The following TPR variants were observed in gnomAD, a reference collection of about 807,000 sequenced individuals.
TPR encodes translocated promoter region, nuclear basket protein, also known as nucleoprotein TPR.
Under a neutral mutation model 316.1 loss-of-function variants are expected in TPR, and 51 were observed. The ratio of observed to expected loss-of-function variants is 0.16; its 90% CI spans 0.13 to 0.20. The LOEUF (loss-of-function observed/expected upper bound fraction) is 0.20, where lower values mean the gene tolerates loss of function less well. Among genes scored for constraint, TPR ranks in the 10% least tolerant of loss-of-function variants. The probability of loss-of-function intolerance (pLI) is 1.00; values close to 1 mark genes in which losing one functional copy is unlikely to be tolerated. For missense variants in TPR, 2,272 were observed against 2,754.8 expected (o/e 0.82, Z 3.92); for synonymous variants, 981 against 914.7 (o/e 1.07, Z -1.31).
In TPR at chr1:186,313,815, T is replaced by C; in HGVS notation, c.*156A>G. ...AAGGAGGAGTCAACTAATGAAGAAA[T>C]GAATAATAAATTTTGACACTGAAAA... On this transcript the variant is annotated 3_prime_UTR_variant, in exon 51 of 51. Transcript: ENST00000367478. 3 of 1,530,914 alleles carry C rather than the reference T, an allele frequency of 2.0e-6. No homozygotes were observed. Among genetic ancestry groups the C allele is most frequent in the Non-Finnish European group, 2.7e-6 (3 of 1,104,698 alleles). 94.8% of individuals were successfully genotyped at this position (1,530,914 alleles called of 1,614,324 possible).
At chr1:186,358,941 A>G (rs1050729108) in intron 12 of TPR, among the ~76,000 whole-genome samples, 1 of 152,154 alleles carries the variant, frequency 6.6e-6, no homozygotes, top group Admixed American at 6.5e-5. Context: ...CTGGTAAAAA[A>G]GTCAATATTC....
chr1:186,321,212 C>T (rs1177632387), intron 45 of TPR, among the ~76,000 whole-genome samples: 9 of 152,146 alleles, frequency 5.9e-5, no homozygotes. Context: ...AATGTGTTAG[C>T]CAAGGTAAAT....
At position 186,333,165 on chromosome 1, in the gene TPR, T is replaced by A. The variant is rs1449072182; in HGVS notation, c.5412A>T (p.Ser1804=). Residue 1804 remains serine, a synonymous_variant, in exon 37 of 51, where the codon TCA becomes TCT. Coordinates refer to ENST00000367478, the MANE Select transcript of TPR (RefSeq NM_003292.3). The part of the protein sequence containing the change: ...SSNIVEVVQS[S]PVERPSTSTA... ...TGGAAGTAGAAGGCCGCTCAACTGG[T>A]GAACTCTGAACAACCTCTACTATGT... 5.0e-5 allele frequency: 80 copies of A among 1,613,380 alleles called. No individual in the cohort carries two copies. Among genetic ancestry groups the A allele is most frequent in the Non-Finnish European group, 6.8e-5 (80 of 1,179,642 alleles).
Position 186,344,489 on chromosome 1 carries a change from C to T in TPR, c.3303G>A (p.Glu1101=). Residue 1101 remains glutamate, a synonymous_variant, in exon 25 of 51, where the codon GAG becomes GAA. Transcript: ENST00000367478. The stretch of plus-strand genomic sequence containing the variant: ...GGACTGATGCCATTTTTGAAACCTG[C>T]TCCTTCGCAGCTTGTAGAGCTTCAA... ...ADVEALQAAK[E]QVSKMASVRQ... The T allele has an allele frequency of 6.2e-7, 1 of 1,613,884 alleles. No individual in the cohort carries two copies. The highest frequency in any genetic ancestry group is 8.5e-7 in the Non-Finnish European group (1 of 1,179,940).
At chr1:186,349,592 G>A (rs7519719) in intron 21 of TPR, among the ~76,000 whole-genome samples, 43,485 of 151,006 alleles carry the variant, frequency 0.29, 6,843 homozygotes, top group Admixed American at 0.38. Flanking sequence ...CCTGGAAGGC[G>A]GAGCTTGCAG....
At chr1:186,331,108 G>A (rs1415712318) in intron 39 of TPR, among the ~76,000 whole-genome samples, 1 of 151,982 alleles carries the variant, frequency 6.6e-6, no homozygotes, top group Non-Finnish European at 1.5e-5. Context: ...TTCCTTTTAT[G>A]GATTACTTTA....
chr1:186,373,126 G>A (rs759663772), intron 2 of TPR, among the ~76,000 whole-genome samples: 4 of 152,092 alleles, frequency 2.6e-5, no homozygotes, highest in Non-Finnish European at 5.9e-5. Flanking sequence ...TGTGGCAAAA[G>A]CAATTTTAAT....
rs1343468581 is a variant in TPR at position 186,317,617 on chromosome 1, T to G, written c.6822-17A>C. On this transcript the variant is annotated splice_polypyrimidine_tract_variant and intron_variant, in intron 48 of 50. Transcript: ENST00000367478. Reference sequence around the variant, plus strand: ...GAACTAATACTAAGGAAAAGAAAAATGAGAAAATACAAAACTGATCCTACA... The same window carrying G: ...GAACTAATACTAAGGAAAAGAAAAAGGAGAAAATACAAAACTGATCCTACA... The G allele has an allele frequency of 6.2e-7, 1 of 1,605,036 alleles. No individual in the cohort carries two copies. Among genetic ancestry groups the G allele is most frequent in the Non-Finnish European group, 8.5e-7 (1 of 1,172,360 alleles).
At position 186,344,581 on chromosome 1, in the gene TPR, A is replaced by AT; in HGVS notation, c.3214-4dup. On this transcript the variant is annotated splice_region_variant and splice_polypyrimidine_tract_variant and intron_variant, in intron 24 of 50. Transcript: ENST00000367478. The stretch of plus-strand genomic sequence containing the variant: ...TGAGCTTCCACAGCTATTTTAGCCT[A>AT]TAAGAAATTATTACCCAATTGATAC... 6.6e-7 allele frequency: 1 copy of AT among 1,505,874 alleles called. No homozygotes were observed. Among genetic ancestry groups the AT allele is most frequent in the Non-Finnish European group, 8.8e-7 (1 of 1,130,324 alleles). The allele number at this position is 1,505,874 out of a possible 1,614,324, so 93.3% of individuals were successfully genotyped here. A position where few individuals can be genotyped will look rare whatever the true frequency, so the allele number is the denominator to read the frequency against.
Position 186,318,570 on chromosome 1 carries a change from G to A in TPR, c.6698C>T (p.Ala2233Val). The A allele has an allele frequency of 1.2e-6, 2 of 1,613,450 alleles. No individual in the cohort carries two copies. The highest frequency in any genetic ancestry group is 1.7e-6 in the Non-Finnish European group (2 of 1,179,874). ...TVFTESTTSD[A>V]SEHASQSVPM... ...AACAGATTGAGAGGCATGTTCCGAA[G>A]CATCAGAGGTGGTGCTCTCAGTAAA... Residue 2233 changes from alanine (A) to valine (V), a missense_variant, in exon 48 of 51, where the codon GCT becomes GTT. By Grantham distance (64) the Ala-to-Val change is moderately conservative. Transcript: ENST00000367478.
intron 4 of TPR, among the ~76,000 whole-genome samples, chr1:186,365,114 T>TTTTTTTTG (rs1558036794): frequency 1.3e-5 from 2 of 151,172 alleles, no homozygotes; most frequent in African/African-American, 2.4e-5. Context: ...TTTTTTTTTT[T>TTTTTTTTG]GGAGACAGTC....
intron 27 of TPR, chr1:186,341,908 A>G (rs895994686): frequency 5.8e-5 from 9 of 154,396 alleles, no homozygotes; most frequent in African/African-American, 2.2e-4. Flanking sequence ...TTAAAGCTAT[A>G]GCATATTTCA....
intron 4 of TPR, among the ~76,000 whole-genome samples, chr1:186,366,454 G>A (rs1659345857): frequency 6.6e-6 from 1 of 152,078 alleles, no homozygotes; most frequent in African/African-American, 2.4e-5. Flanking sequence ...TTATTGGTAG[G>A]GCTTCTAGTT....
chr1:186,333,365 C>T lies in TPR; in HGVS notation c.5212G>A (p.Val1738Ile). 1 of 1,613,484 alleles carries T rather than the reference C, an allele frequency of 6.2e-7. No individual in the cohort carries two copies. Among genetic ancestry groups the T allele is most frequent in the African/African-American group, 1.3e-5 (1 of 75,016 alleles). ...CCACTTGTGCTTCCAAAAACTGGAA[C>T]ATGTTCCACAGGCCCTTCTGACTGC... Reference protein sequence around the residue: ...AMQSEGPVEHVPVFGSTSGSV... With the variant: ...AMQSEGPVEHIPVFGSTSGSV... Residue 1738 changes from valine to isoleucine, a missense_variant, in exon 37 of 51, where the codon GTT (valine) becomes ATT (isoleucine). Val to Ile is a conservative substitution (Grantham distance 29). Transcript: ENST00000367478.
chr1:186,373,609 G>C, intron 1 of TPR, 146 bp from the exon 2 acceptor site: 1 of 486,922 alleles, frequency 2.1e-6, no homozygotes, highest in South Asian at 4.2e-5. Flanking sequence ...TCTGAGTAAA[G>C]ATAAATAGAC....
At chr1:186,368,603 C>T (rs945021084) in intron 3 of TPR, among the ~76,000 whole-genome samples, 2 of 152,192 alleles carry the variant, frequency 1.3e-5, no homozygotes, top group South Asian at 2.1e-4. Flanking sequence ...GAGTGAGACC[C>T]TGTCTCAAAA....
Position 186,367,965 on chromosome 1 carries a change from T to G in TPR, c.348A>C (p.Thr116=), listed in dbSNP as rs1659396718. The stretch of plus-strand genomic sequence containing the variant: ...TTTTCTCAGCTTCTAATTCTTCCTT[T>G]GTTCTTGTAAATTGGCTCTGTCATA... ...NIAIQSQFTR[T]KEELEAEKRD... Residue 116 remains threonine (T), a synonymous_variant, in exon 4 of 51, where the codon ACA becomes ACC. Coordinates refer to ENST00000367478, the MANE Select transcript of TPR (RefSeq NM_003292.3). 6.2e-7 allele frequency: 1 copy of G among 1,610,242 alleles called. No individual in the cohort carries two copies. Among genetic ancestry groups the G allele is most frequent in the Non-Finnish European group, 8.5e-7 (1 of 1,179,326 alleles).
rs1657286557 is a variant in TPR, at chr1:186,312,051, C to A, written c.*1920G>T. 2 of 741,738 alleles carry A rather than the reference C, an allele frequency of 2.7e-6. No individual in the cohort carries two copies. The highest frequency in any genetic ancestry group is 2.7e-5 in the East Asian group (1 of 37,182). 45.9% of individuals were successfully genotyped at this position (741,738 alleles called of 1,614,324 possible). ...CTTGACTAATAGCCATTATTAATATCAATATATTATATGAAAAATGAGAAC... is the reference window on the plus strand; with the variant it reads ...CTTGACTAATAGCCATTATTAATATAAATATATTATATGAAAAATGAGAAC... On this transcript the variant is annotated 3_prime_UTR_variant, in exon 51 of 51. Transcript: ENST00000367478.
At chr1:186,358,183 C>T (rs1386919581) in intron 13 of TPR, among the ~76,000 whole-genome samples, 1 of 152,006 alleles carries the variant, frequency 6.6e-6, no homozygotes, top group African/African-American at 2.4e-5. Context: ...TTTATATATG[C>T]TCATGTATAT....
Sources: gnomAD v4.1 joint callset for allele counts (sites outside exome capture counted in the v4.1 genomes callset) on GRCh38, gnomAD v4.1.1 for gene constraint, MANE v1.5 for transcripts, NCBI Gene and HGNC (gene_info 2026-07-23, HGNC 2026-07-21) for gene names.